Variants in CADM2 observed in about 807,000 individuals in gnomAD.
CADM2 encodes the protein immunoglobulin superfamily member 4D.
A neutral mutation model predicts 49.8 loss-of-function variants in CADM2; 12 were observed. The ratio of observed to expected loss-of-function variants is 0.24; its 90% CI spans 0.15 to 0.39. CADM2 has a LOEUF of 0.39. Ranked by LOEUF, CADM2 falls within the 10% of genes least tolerant of loss-of-function variation. The pLI, the probability that CADM2 is intolerant of heterozygous loss-of-function variation, is 1.00. For missense variants in CADM2, 378 were observed against 492.3 expected, an observed-to-expected ratio of 0.77 and a Z score of 2.20; for synonymous variants, 214 against 175.4, an observed-to-expected ratio of 1.22 and a Z score of -1.74.
chr3:85,263,009 T>C (rs2043045572), intron 1 of CADM2, among the ~76,000 whole-genome samples: 2 of 151,294 alleles, frequency 1.3e-5, no homozygotes, highest in Admixed American at 1.3e-4. Flanking sequence ...TTTTTTGTTT[T>C]GGAGACAGAG....
At chr3:85,791,019 C>A (rs2071290197) in intron 2 of CADM2, among the ~76,000 whole-genome samples, 1 of 152,078 alleles carries the variant, frequency 6.6e-6, no homozygotes, top group South Asian at 2.1e-4. Flanking sequence ...TATGTGGTTG[C>A]CTAGGACAGC....
intron 1 of CADM2, among the ~76,000 whole-genome samples, chr3:85,447,022 A>G (rs1279217751): frequency 7.2e-6 from 1 of 139,566 alleles, no homozygotes; most frequent in Non-Finnish European, 1.5e-5. Flanking sequence ...ATATATATAT[A>G]TATATATATG....
chr3:85,668,730 C>T, intron 1 of CADM2, among the ~76,000 whole-genome samples: 1 of 152,112 alleles, frequency 6.6e-6, no homozygotes, highest in Non-Finnish European at 1.5e-5. Context: ...CATTAAACCT[C>T]TTTCTTTTGT....
rs538878180 is a variant in CADM2 at position 85,462,134 on chromosome 3, A to G, written c.62-264388A>G. Among the ~76,000 whole-genome samples the G allele has an allele frequency of 4.0e-4, 61 of 152,236 alleles. 1 individual carries two copies. The highest frequency in any genetic ancestry group is 8.3e-4 in the South Asian group (4 of 4,826). ...TTCCCTCAAGAGAAACATCTAATCT[A>G]TGATTTTTGTCTCCTCTGAGAACCT... is the stretch of plus-strand genomic sequence containing the variant. On this transcript the variant is annotated intron_variant, in intron 1 of 9. Coordinates refer to ENST00000383699, the MANE Select transcript of CADM2 (RefSeq NM_001167675.2).
intron 1 of CADM2, among the ~76,000 whole-genome samples, chr3:85,312,829 A>C (rs1460828683): frequency 6.6e-6 from 1 of 152,198 alleles, no homozygotes; most frequent in Non-Finnish European, 1.5e-5. Context: ...GGACATTATT[A>C]ATAAATATTG....
chr3:85,259,352 T>C (rs1408707633), intron 1 of CADM2, among the ~76,000 whole-genome samples: 1 of 152,008 alleles, frequency 6.6e-6, no homozygotes, highest in East Asian at 1.9e-4. Flanking sequence ...AAGATTTTTA[T>C]TGCTTTTTTT....
intron 2 of CADM2, among the ~76,000 whole-genome samples, chr3:85,775,467 G>A (rs1476956448): frequency 1.3e-5 from 2 of 151,624 alleles, no homozygotes; most frequent in Non-Finnish European, 3.0e-5. Context: ...AATTTGCATA[G>A]CATTCAACAG....
intron 2 of CADM2, among the ~76,000 whole-genome samples, chr3:85,779,529 G>A (rs565077685): frequency 5.1e-4 from 77 of 152,176 alleles, no homozygotes; most frequent in Non-Finnish European, 5.3e-4. Flanking sequence ...CAACAACAAG[G>A]AGAAGTGCAG....
At chr3:85,424,724 C>G (rs753447810) in intron 1 of CADM2, among the ~76,000 whole-genome samples, 3 of 152,056 alleles carry the variant, frequency 2.0e-5, no homozygotes, top group Non-Finnish European at 2.9e-5. Context: ...GTTTTTTCTA[C>G]GCCTACTTAA....
At chr3:85,147,512 A>G (rs896824996) in intron 1 of CADM2, among the ~76,000 whole-genome samples, 14 of 152,060 alleles carry the variant, frequency 9.2e-5, no homozygotes, top group Non-Finnish European at 1.9e-4. Flanking sequence ...CATTATCAGT[A>G]TTGCCATAAT....
intron 1 of CADM2, among the ~76,000 whole-genome samples, chr3:84,970,420 T>C (rs2031343268): frequency 6.6e-6 from 1 of 151,780 alleles, no homozygotes; most frequent in Non-Finnish European, 1.5e-5. Context: ...ACATAAAGTG[T>C]TTTAAGAATA....
At chr3:85,750,338 A>G (rs988481603) in intron 2 of CADM2, among the ~76,000 whole-genome samples, 1 of 152,058 alleles carries the variant, frequency 6.6e-6, no homozygotes, top group Non-Finnish European at 1.5e-5. Flanking sequence ...TCATCCCTCC[A>G]GCTTTCTAAA....
chr3:85,744,443 T>C (rs1216370980), intron 2 of CADM2, among the ~76,000 whole-genome samples: 1 of 152,036 alleles, frequency 6.6e-6, no homozygotes, highest in Non-Finnish European at 1.5e-5. Context: ...TATTACACAT[T>C]GTGTATCTGT....
intron 3 of CADM2, among the ~76,000 whole-genome samples, chr3:85,840,993 T>G (rs2074614207): frequency 6.6e-6 from 1 of 151,754 alleles, no homozygotes; most frequent in Non-Finnish European, 1.5e-5. Flanking sequence ...TCTAAATTGG[T>G]CTATAGTATT....
intron 1 of CADM2, among the ~76,000 whole-genome samples, chr3:85,489,804 TGTGAGA>T (rs2039592556): frequency 2.7e-5 from 4 of 146,870 alleles, no homozygotes; most frequent in South Asian, 2.2e-4. Flanking sequence ...TGTGTGTGTG[TGTGAGA>T]GAGAGAGAGA....
At chr3:85,657,294 A>T (rs1296699705) in intron 1 of CADM2, among the ~76,000 whole-genome samples, 1 of 152,158 alleles carries the variant, frequency 6.6e-6, no homozygotes, top group Non-Finnish European at 1.5e-5. Flanking sequence ...TTTCTTGTTG[A>T]TTACATGAAG....
intron 1 of CADM2, among the ~76,000 whole-genome samples, chr3:85,181,610 G>A (rs2040936846): frequency 6.6e-6 from 1 of 151,880 alleles, no homozygotes; most frequent in Non-Finnish European, 1.5e-5. Flanking sequence ...CTAAAAATAA[G>A]GGCATATTTA....
intron 8 of CADM2, among the ~76,000 whole-genome samples, chr3:86,017,263 T>C (rs893440821): frequency 1.3e-5 from 2 of 151,302 alleles, no homozygotes; most frequent in African/African-American, 4.8e-5. Flanking sequence ...GGAAAATATA[T>C]CCCTTTGAGT....
At chr3:85,460,475 G>T (rs925516805) in intron 1 of CADM2, among the ~76,000 whole-genome samples, 43 of 152,108 alleles carry the variant, frequency 2.8e-4, no homozygotes, top group African/African-American at 8.7e-4. Flanking sequence ...ATTTCAAAAT[G>T]TAACTGAAGT....
Sources: allele counts gnomAD v4.1 joint callset (sites outside exome capture counted in the v4.1 genomes callset), GRCh38; gene constraint gnomAD v4.1.1; transcripts MANE v1.5; gene names NCBI Gene and HGNC (gene_info 2026-07-23, HGNC 2026-07-21).